Variants in GLP1R observed in about 807,000 individuals in gnomAD.
The protein encoded by GLP1R is glucagon-like peptide 1 receptor.
Under a neutral mutation model 68.4 loss-of-function variants are expected in GLP1R, and 32 were observed. The ratio of observed to expected loss-of-function variants is 0.47; its 90% CI spans 0.35 to 0.63. GLP1R has a LOEUF of 0.63. GLP1R is among the 20% of genes least tolerant of loss of function. GLP1R has a pLI of 0.00. For missense variants in GLP1R, 502 were observed against 594.9 expected, an observed-to-expected ratio of 0.84 and a Z score of 1.62; for synonymous variants, 263 against 244.4, an observed-to-expected ratio of 1.08 and a Z score of -0.71.
chr6:39,078,408 G>T, intron 8 of GLP1R, 26 bp downstream of exon 8: 1 of 1,509,814 alleles, frequency 6.6e-7, no homozygotes, highest in Non-Finnish European at 9.2e-7. Context: ...CAAGGGGGCG[G>T]GTGTGCCCAG....
At chr6:39,072,609 A>G (rs1015162248) in intron 5 of GLP1R, among the ~76,000 whole-genome samples, 1 of 152,250 alleles carries the variant, frequency 6.6e-6, no homozygotes, top group Non-Finnish European at 1.5e-5. Context: ...AAGATGCTGC[A>G]GAGAGAAGGA....
intron 6 of GLP1R, 126 bp downstream of exon 6, chr6:39,073,141 C>A: frequency 1.2e-6 from 1 of 860,658 alleles, no homozygotes; most frequent in South Asian, 1.7e-5. Flanking sequence ...TTCGGGAGCC[C>A]CCAGTCTGAT....
Position 39,090,443 on chromosome 6 carries a change from C to A in GLP1R, c.*4370C>A, listed in dbSNP as rs1405157568. ...TTTTTCCCCGATGCATCCAACTTCC[C>A]TCCCTGCACTCCTCCTCCCCGACAG... On this transcript the variant is annotated 3_prime_UTR_variant, in exon 13 of 13. Transcript: ENST00000373256. Among the ~76,000 whole-genome samples, 3 of 152,174 alleles carry A rather than the reference C, an allele frequency of 2.0e-5. No individual in the cohort carries two copies. Among genetic ancestry groups the A allele is most frequent in the Admixed American group, 6.5e-5 (1 of 15,286 alleles).
At chr6:39,067,744 C>A (rs1768555221) in intron 5 of GLP1R, among the ~76,000 whole-genome samples, 1 of 152,196 alleles carries the variant, frequency 6.6e-6, no homozygotes, top group Non-Finnish European at 1.5e-5. Flanking sequence ...TTAATTCATC[C>A]CAGCATTAAC....
intron 3 of GLP1R, among the ~76,000 whole-genome samples, chr6:39,059,973 C>G (rs1315589300): frequency 6.6e-6 from 1 of 152,160 alleles, no homozygotes; most frequent in Non-Finnish European, 1.5e-5. Flanking sequence ...AGGCCCCCTG[C>G]CAGCCTTTCC....
In GLP1R at chr6:39,078,370, A is replaced by C; in HGVS notation, c.872A>C (p.Tyr291Ser). Residue 291 changes from tyrosine to serine, a missense_variant, in exon 8 of 13, where the codon TAT becomes TCT. Transcript: ENST00000373256. ...VVPWGIVKYL[Y>S]EDEGCWTRNS... The stretch of plus-strand genomic sequence containing the variant: ...CCCTGGGGCATTGTCAAGTACCTCT[A>C]TGAGGACGAGGGGTGAGTGTCCTGC... 2 of 1,611,284 alleles carry C rather than the reference A, an allele frequency of 1.2e-6. No individual in the cohort carries two copies. The highest frequency in any genetic ancestry group is 1.7e-6 in the Non-Finnish European group (2 of 1,177,546).
intron 5 of GLP1R, among the ~76,000 whole-genome samples, chr6:39,071,362 A>G (rs1768660955): frequency 6.6e-6 from 1 of 151,450 alleles, no homozygotes; most frequent in Non-Finnish European, 1.5e-5. Flanking sequence ...AAAAAAAAAA[A>G]AAAAAGAAAG....
intron 5 of GLP1R, among the ~76,000 whole-genome samples, chr6:39,071,727 T>G (rs2300615): frequency 0.18 from 27,000 of 152,176 alleles, 3,109 homozygotes; most frequent in East Asian, 0.44. Context: ...AGAAATCATA[T>G]AGCAAAATCT....
intron 7 of GLP1R, 89 bp from the exon 8 acceptor site, chr6:39,078,233 G>A (rs1768885981): frequency 1.1e-6 from 1 of 924,962 alleles, no homozygotes; most frequent in South Asian, 1.3e-5. Flanking sequence ...GGAAGTGTGA[G>A]GGGCTTGGGG....
Position 39,086,082 on chromosome 6 carries a change from C to A in GLP1R, c.*9C>A. On this transcript the variant is annotated 3_prime_UTR_variant, in exon 13 of 13. Transcript: ENST00000373256. This position sits in a 1 kb window ranked among gnomAD's most constrained non-coding sequence, Gnocchi z 4.5. ...AGGCCTCCTGCAGCTGAGACTCCAG[C>A]GCCTGCCCTCCCTGGGGTCCTTGCT... 6.2e-7 allele frequency: 1 copy of A among 1,612,364 alleles called. No individual in the cohort carries two copies. The highest frequency in any genetic ancestry group is 2.2e-5 in the East Asian group (1 of 44,840).
chr6:39,056,208 A>G (rs1456104787), intron 1 of GLP1R, among the ~76,000 whole-genome samples, 189 bp from the exon 2 acceptor site: 2 of 152,172 alleles, frequency 1.3e-5, no homozygotes, highest in Admixed American at 6.5e-5. Flanking sequence ...TGAAGATGTC[A>G]AACCATCCAC....
At chr6:39,074,628 C>T (rs968553538) in intron 7 of GLP1R, among the ~76,000 whole-genome samples, 4 of 152,070 alleles carry the variant, frequency 2.6e-5, no homozygotes, top group South Asian at 2.1e-4. Flanking sequence ...TTCCTTCATG[C>T]GCCCACCTCA....
chr6:39,071,926 G>A lies in GLP1R; in HGVS notation c.510-936G>A, dbSNP rs1309083068. On this transcript the variant is annotated intron_variant, in intron 5 of 12. Coordinates refer to ENST00000373256, the MANE Select transcript of GLP1R (RefSeq NM_002062.5). ...CTATCTCCCACTAGTTTAAGTCTTC[G>A]CTAATGATTTTAAGCAAGATTTATA... Among the ~76,000 whole-genome samples, 8 of 152,074 alleles carry A rather than the reference G, an allele frequency of 5.3e-5. No individual in the cohort carries two copies. In the South Asian group the frequency reaches 8.3e-4, roughly 16 times the overall value.
In GLP1R at chr6:39,079,000, C is replaced by T. The variant is rs777092905; in HGVS notation, c.928C>T (p.Arg310Trp). The change falls in exon 9 of 13, where the codon CGG (arginine) becomes TGG (tryptophan). Residue 310 changes from arginine (R) to tryptophan (W), a missense_variant. Physicochemically the swap from Arg to Trp is moderately radical, Grantham distance 101. Transcript: ENST00000373256. ...NSNMNYWLII[R>W]LPILFAIGVN... ...CAACATGAACTACTGGCTCATTATC[C>T]GGCTGCCCATTCTCTTTGCCATTGG... The T allele has an allele frequency of 1.2e-5, 20 of 1,614,084 alleles. No homozygotes were observed. Among genetic ancestry groups the T allele is most frequent in the Admixed American group, 5.0e-5 (3 of 60,014 alleles).
Position 39,090,033 on chromosome 6 carries a change from C to G in GLP1R, c.*3960C>G, listed in dbSNP as rs1769244813. ...AGGATCAACTCTTAACATTTTTTCC[C>G]TCTTTTGTGGCTGGAATGAGTTCCC... On this transcript the variant is annotated 3_prime_UTR_variant, in exon 13 of 13. Coordinates refer to ENST00000373256, the MANE Select transcript of GLP1R (RefSeq NM_002062.5). Among the ~76,000 whole-genome samples the G allele has an allele frequency of 6.6e-6, 1 of 152,138 alleles. No homozygotes were observed. The highest frequency in any genetic ancestry group is 6.5e-5 in the Admixed American group (1 of 15,272).
chr6:39,060,889 C>G (rs752607353), intron 3 of GLP1R, among the ~76,000 whole-genome samples: 1 of 152,160 alleles, frequency 6.6e-6, no homozygotes, highest in Non-Finnish European at 1.5e-5. Flanking sequence ...GGTAACCCCC[C>G]TCCATGGAGC....
rs1769267076 is a variant in GLP1R, at chr6:39,091,052, G to A, written c.*4979G>A. Among the ~76,000 whole-genome samples the A allele has an allele frequency of 6.6e-6, 1 of 152,104 alleles. No individual in the cohort carries two copies. Among genetic ancestry groups the A allele is most frequent in the South Asian group, 2.1e-4 (1 of 4,824 alleles). On this transcript the variant is annotated 3_prime_UTR_variant, in exon 13 of 13. Transcript: ENST00000373256. Reference sequence around the variant, plus strand: ...AAACCTTTAAATGCACCAACAGAGAGGTAAGCCAAGCTCTCAGGAGGGACA... The same window carrying A: ...AAACCTTTAAATGCACCAACAGAGAAGTAAGCCAAGCTCTCAGGAGGGACA...
chr6:39,056,526 T>C (rs200346220), intron 2 of GLP1R, 33 bp downstream of exon 2: 56 of 1,151,250 alleles, frequency 4.9e-5, no homozygotes, highest in Non-Finnish European at 6.0e-5. Flanking sequence ...CCTTTAGTGC[T>C]CCCCACCCAA....
intron 7 of GLP1R, 135 bp downstream of exon 7, chr6:39,073,904 G>A: frequency 1.4e-6 from 1 of 730,944 alleles, no homozygotes; most frequent in Non-Finnish European, 2.3e-6. Context: ...CCTGGGCACA[G>A]GACCTTCTGC....
Sources: allele counts gnomAD v4.1 joint callset (sites outside exome capture counted in the v4.1 genomes callset), GRCh38; gene constraint gnomAD v4.1.1; non-coding constraint Gnocchi (gnomAD v3.1); transcripts MANE v1.5; gene names NCBI Gene and HGNC (gene_info 2026-07-23, HGNC 2026-07-21).